Variants in LRFN5 observed in about 807,000 individuals in gnomAD.
LRFN5 encodes the protein leucine rich repeat and fibronectin type III domain containing 5.
A neutral mutation model predicts 45.6 loss-of-function variants in LRFN5; 24 were observed. That is an observed-to-expected ratio of 0.53 (90% CI 0.38 to 0.74). The LOEUF (loss-of-function observed/expected upper bound fraction) is 0.74, where lower values mean the gene tolerates loss of function less well. Among genes scored for constraint, LRFN5 ranks in the 30% least tolerant of loss-of-function variants. LRFN5 has a pLI of 0.00. For synonymous variants in LRFN5, 340 were observed against 313.8 expected (o/e 1.08, Z -0.88); for missense variants, 776 against 861.5 (o/e 0.90, Z 1.24).
chr14:41,876,513 G>A (rs1225557400), intron 2 of LRFN5, among the ~76,000 whole-genome samples: 2 of 150,746 alleles, frequency 1.3e-5, no homozygotes, highest in East Asian at 3.9e-4. Context: ...AGCCAGGATG[G>A]TCTCAATCTC....
At chr14:41,834,297 T>G (rs1383622510) in intron 2 of LRFN5, among the ~76,000 whole-genome samples, 1 of 152,238 alleles carries the variant, frequency 6.6e-6, no homozygotes, top group Non-Finnish European at 1.5e-5. Flanking sequence ...AAGTTTATTC[T>G]TATGTTTTAT....
chr14:41,902,748 AACTTTT>A (rs1408804296), intron 5 of LRFN5, among the ~76,000 whole-genome samples: 2 of 151,780 alleles, frequency 1.3e-5, no homozygotes, highest in Non-Finnish European at 3.0e-5. Flanking sequence ...GGTGTACTGC[AACTTTT>A]ACTTTTACTA....
intron 1 of LRFN5, among the ~76,000 whole-genome samples, chr14:41,684,853 G>A (rs148256370): frequency 1.3e-5 from 2 of 152,244 alleles, no homozygotes; most frequent in East Asian, 3.9e-4. Context: ...AGTCAACAAA[G>A]TGAAGTGGTA....
At chr14:41,731,563 G>A (rs1213277075) in intron 1 of LRFN5, among the ~76,000 whole-genome samples, 2 of 152,040 alleles carry the variant, frequency 1.3e-5, no homozygotes, top group Non-Finnish European at 2.9e-5. Context: ...ATGCAGTCTT[G>A]CATCAGATAG....
chr14:41,755,699 T>C (rs529582577), intron 1 of LRFN5, among the ~76,000 whole-genome samples: 1 of 152,374 alleles, frequency 6.6e-6, no homozygotes, highest in African/African-American at 2.4e-5. Context: ...AGCACACTGA[T>C]GGGCCTTGAC....
At chr14:41,872,972 C>T (rs1365217644) in intron 2 of LRFN5, among the ~76,000 whole-genome samples, 2 of 152,122 alleles carry the variant, frequency 1.3e-5, no homozygotes, top group Non-Finnish European at 2.9e-5. Flanking sequence ...GTCTAAATTC[C>T]ACTTCTTTAT....
intron 1 of LRFN5, among the ~76,000 whole-genome samples, chr14:41,650,912 G>C (rs1318259156): frequency 7.3e-6 from 1 of 136,340 alleles, no homozygotes; most frequent in Non-Finnish European, 1.6e-5. Flanking sequence ...AGGGAGGGAG[G>C]GAGGGAGGGA....
rs760488412 is a variant in LRFN5 at position 41,904,290 on chromosome 14, G to T, written c.*115G>T. The T allele has an allele frequency of 7.9e-7, 1 of 1,263,596 alleles. No individual in the cohort carries two copies. Among genetic ancestry groups the T allele is most frequent in the Non-Finnish European group, 1.1e-6 (1 of 875,830 alleles). The allele number at this position is 1,263,596 out of a possible 1,614,324, so 78.3% of individuals were successfully genotyped here. ...TAATTGTTGAACTGGTGTCGTAGAA[G>T]AAATTGTCTACAGGAGCCAAGGTGA... On this transcript the variant is annotated 3_prime_UTR_variant, in exon 6 of 6. Transcript: ENST00000298119.
intron 1 of LRFN5, among the ~76,000 whole-genome samples, chr14:41,756,351 T>TG (rs1422570623): frequency 6.6e-6 from 1 of 152,256 alleles, no homozygotes; most frequent in Admixed American, 6.5e-5. Flanking sequence ...GATAATATCC[T>TG]GCAGAGGTTT....
chr14:41,627,059 A>G (rs1168317428), intron 1 of LRFN5, among the ~76,000 whole-genome samples: 23 of 152,166 alleles, frequency 1.5e-4, no homozygotes, highest in Admixed American at 1.4e-3. Context: ...GATCAACAGT[A>G]TAAAAGGATA....
At chr14:41,882,467 C>G (rs897446886) in intron 2 of LRFN5, among the ~76,000 whole-genome samples, 6 of 152,156 alleles carry the variant, frequency 3.9e-5, no homozygotes, top group East Asian at 3.9e-4. Flanking sequence ...GCATCTTTCC[C>G]ATTCTTTCCA....
intron 1 of LRFN5, among the ~76,000 whole-genome samples, chr14:41,642,572 C>T (rs2138601056): frequency 1.3e-5 from 2 of 152,246 alleles, no homozygotes; most frequent in East Asian, 3.9e-4. Flanking sequence ...ATTCTAAGGG[C>T]AAAATAGGCT....
chr14:41,607,126 G>T lies in LRFN5; in HGVS notation c.-1633G>T, dbSNP rs974270025. On this transcript the variant is annotated 5_prime_UTR_variant, in exon 1 of 6. Transcript: ENST00000298119. ...TGAGCGTGTGCAGAGCTGCCCGAAC[G>T]GAGGACTATGTATGTGTGTGCGCGT... Among the ~76,000 whole-genome samples, 5 of 152,304 alleles carry T rather than the reference G, an allele frequency of 3.3e-5. No homozygotes were observed. The highest frequency in any genetic ancestry group is 1.2e-4 in the African/African-American group (5 of 41,590).
chr14:41,655,010 G>A (rs1414627216), intron 1 of LRFN5, among the ~76,000 whole-genome samples: 1 of 152,014 alleles, frequency 6.6e-6, no homozygotes, highest in East Asian at 1.9e-4. Flanking sequence ...CACTGCCTGT[G>A]TCTCTTCATC....
chr14:41,813,847 A>G (rs1385805182), intron 2 of LRFN5, among the ~76,000 whole-genome samples: 7 of 152,082 alleles, frequency 4.6e-5, no homozygotes, highest in Admixed American at 2.6e-4. Context: ...CAACCTCTCC[A>G]GCGTCTGTTG....
At chr14:41,612,327 G>A (rs1186873027) in intron 1 of LRFN5, among the ~76,000 whole-genome samples, 2 of 152,086 alleles carry the variant, frequency 1.3e-5, no homozygotes, top group South Asian at 4.1e-4. Context: ...TTGAGGCTGG[G>A]AAAAGGAAGC....
chr14:41,653,682 A>G (rs965163269), intron 1 of LRFN5, among the ~76,000 whole-genome samples: 20 of 152,142 alleles, frequency 1.3e-4, no homozygotes, highest in African/African-American at 4.8e-4. Context: ...ACTGGTCTGC[A>G]TAAATACTTA....
chr14:41,893,100 C>T lies in LRFN5; in HGVS notation c.2098+1138C>T, dbSNP rs567702807. 7 of 984,522 alleles carry T rather than the reference C, an allele frequency of 7.1e-6. No homozygotes were observed. In the African/African-American group the frequency reaches 1.2e-4, roughly 17 times the overall value. 61.0% of individuals were successfully genotyped at this position (984,522 alleles called of 1,614,324 possible). The stretch of plus-strand genomic sequence containing the variant: ...TTTCCCATTTGCACTATAGTTTTTG[C>T]ATTTGAATGTTTTCCTTTTAAAGTA... On this transcript the variant is annotated intron_variant, in intron 4 of 5. Transcript: ENST00000298119.
At chr14:41,844,712 C>T (rs1888999267) in intron 2 of LRFN5, among the ~76,000 whole-genome samples, 1 of 152,104 alleles carries the variant, frequency 6.6e-6, no homozygotes, top group Non-Finnish European at 1.5e-5. Flanking sequence ...GTACTCCCAA[C>T]ATGGTCAGTT....
Sources: allele counts gnomAD v4.1 joint callset (sites outside exome capture counted in the v4.1 genomes callset), GRCh38; gene constraint gnomAD v4.1.1; transcripts MANE v1.5; gene names NCBI Gene and HGNC (gene_info 2026-07-23, HGNC 2026-07-21).